The following COX20 variants were observed in gnomAD, a reference collection of about 807,000 sequenced individuals.
COX20 encodes cytochrome c oxidase assembly protein COX20, mitochondrial.
COX20 carries 14 observed loss-of-function variants against 14.3 expected under a neutral mutation model. The ratio of observed to expected loss-of-function variants is 0.98; its 90% CI spans 0.65 to 1.53. The LOEUF (loss-of-function observed/expected upper bound fraction) is 1.53. Ranked by LOEUF, COX20 falls within the 40% of genes most tolerant of loss-of-function variation. The probability of loss-of-function intolerance (pLI) is 0.00; values close to 1 mark genes in which losing one functional copy is unlikely to be tolerated. For synonymous variants in COX20, 56 were observed against 51.7 expected (o/e 1.08, Z -0.36); for missense variants, 149 against 142.1 (o/e 1.05, Z -0.25).
chr1:244,841,683 A>T (rs1680204622), intron 1 of COX20: 1 of 335,180 alleles, frequency 3.0e-6, no homozygotes, highest in African/African-American at 2.1e-5. Context: ...TCAGTTGATT[A>T]GCAAATTAAG....
upstream of COX20, chr1:244,835,430 GGTTT>G (rs1448513297): frequency 2.8e-6 from 1 of 356,984 alleles, no homozygotes; most frequent in African/African-American, 2.1e-5. Flanking sequence ...TCTAGGAGTC[GGTTT>G]GTTTTCCGAA....
chr1:244,837,336 C>T (rs1459587754), intron 1 of COX20, among the ~76,000 whole-genome samples: 1 of 152,112 alleles, frequency 6.6e-6, no homozygotes, highest in Non-Finnish European at 1.5e-5. Context: ...ATTAACAGCC[C>T]AAGGTGCTGT....
chr1:244,842,269 T>C lies in COX20; in HGVS notation c.221+11T>C. 3 of 1,574,650 alleles carry C rather than the reference T, an allele frequency of 1.9e-6. No individual in the cohort carries two copies. The highest frequency in any genetic ancestry group is 1.1e-5 in the South Asian group (1 of 90,314). ...GACTTTGGGATGCTGGTATGTTTGC[T>C]AAGTATTCAAGAACATCCATGATTA... On this transcript the variant is annotated intron_variant, in intron 3 of 3. Coordinates refer to ENST00000411948, the MANE Select transcript of COX20 (RefSeq NM_198076.6).
chr1:244,836,116 G>C (rs940359408), intron 1 of COX20, among the ~76,000 whole-genome samples: 4 of 152,194 alleles, frequency 2.6e-5, no homozygotes, highest in Non-Finnish European at 4.4e-5. Context: ...GTTGAGGACA[G>C]GTGCCTTGTC....
chr1:244,842,377 T>A, intron 3 of COX20, 119 bp downstream of exon 3: 1 of 745,398 alleles, frequency 1.3e-6, no homozygotes, highest in Non-Finnish European at 2.4e-6. Context: ...ATGAAGAATC[T>A]TGATTTTTCA....
Position 244,835,732 on chromosome 1 carries a change from G to T in COX20, c.18G>T (p.Glu6Asp), listed in dbSNP as rs768432039. 1 of 1,272,036 alleles carries T rather than the reference G, an allele frequency of 7.9e-7. No individual in the cohort carries two copies. The highest frequency in any genetic ancestry group is 9.9e-7 in the Non-Finnish European group (1 of 1,005,654). The allele number at this position is 1,272,036 out of a possible 1,614,324, so 78.8% of individuals were successfully genotyped here. Reference protein sequence around the residue: MAAPPEPGEPEERKSL... With the variant: MAAPPDPGEPEERKSL... ...TAGTCCTCATGGCCGCCCCGCCGGA[G>T]CCCGGTGAGCCCGAGGAGAGGAAGG... The change falls in exon 1 of 4, where the codon GAG (glutamate) becomes GAT (aspartate). Residue 6 changes from glutamate to aspartate, a missense_variant. Glu to Asp is a conservative substitution (Grantham distance 45, BLOSUM62 2). Coordinates refer to ENST00000411948, the MANE Select transcript of COX20 (RefSeq NM_198076.6).
In COX20 at chr1:244,835,773, CG is replaced by C; in HGVS notation, c.42+21del. 1 of 1,188,840 alleles carries C rather than the reference CG, an allele frequency of 8.4e-7. No individual in the cohort carries two copies. 73.6% of individuals were successfully genotyped at this position (1,188,840 alleles called of 1,614,324 possible). ...GAGAGGAAGGTAACCTGGGGGTCGG[CG>C]GGGCGCGCGCCGCGGGTGGGCGGTG... On this transcript the variant is annotated intron_variant, in intron 1 of 3. Transcript: ENST00000411948.
At chr1:244,842,633 GAT>G (rs1680253931) in intron 3 of COX20, 1 of 203,800 alleles carries the variant, frequency 4.9e-6, no homozygotes, top group Non-Finnish European at 9.5e-6. Context: ...CTAAGAGTAT[GAT>G]ATGTATGTAC....
chr1:244,836,557 C>G, intron 1 of COX20: 2 of 1,524,088 alleles, frequency 1.3e-6, no homozygotes, highest in Non-Finnish European at 1.8e-6. Context: ...TTCCTGGGCT[C>G]CTTATTAAGA....
Position 244,843,450 on chromosome 1 carries a change from A to T in COX20, c.*274A>T, listed in dbSNP as rs1222894674. On this transcript the variant is annotated 3_prime_UTR_variant, in exon 4 of 4. Coordinates refer to ENST00000411948, the MANE Select transcript of COX20 (RefSeq NM_198076.6). ...CAAAGAATTATAAAACATAGTGTTT[A>T]ATGTACTTGGAGTTTCCTTGTAGTA... 1.4e-5 allele frequency: 5 copies of T among 362,914 alleles called. No individual in the cohort carries two copies. The highest frequency in any genetic ancestry group is 1.1e-4 in the African/African-American group (5 of 45,406). 22.5% of individuals were successfully genotyped at this position (362,914 alleles called of 1,614,324 possible).
At chr1:244,838,647 G>A (rs1680075658) in intron 1 of COX20, among the ~76,000 whole-genome samples, 1 of 152,196 alleles carries the variant, frequency 6.6e-6, no homozygotes. Context: ...GTCAAGTGAA[G>A]TTCAGTGGAT....
At position 244,844,168 on chromosome 1, in the gene COX20, AAT is replaced by A. The variant is rs1680331287; in HGVS notation, c.*995_*996del. 1 of 152,190 alleles carries A rather than the reference AAT, an allele frequency of 6.6e-6. No individual in the cohort carries two copies. The highest frequency in any genetic ancestry group is 1.5e-5 in the Non-Finnish European group (1 of 68,020). The allele number at this position is 152,190 out of a possible 1,614,324, so 9.4% of individuals were successfully genotyped here. ...GGCACAGAAATCGAGCAAGGAAGAAAATATTAGTTATTTTGATCTACATCTTT... is the reference window on the plus strand; with the variant it reads ...GGCACAGAAATCGAGCAAGGAAGAAAATTAGTTATTTTGATCTACATCTTT... On this transcript the variant is annotated 3_prime_UTR_variant, in exon 4 of 4. Transcript: ENST00000411948.
At position 244,843,206 on chromosome 1, in the gene COX20, C is replaced by T. The variant is rs767462980; in HGVS notation, c.*30C>T. On this transcript the variant is annotated 3_prime_UTR_variant, in exon 4 of 4. Transcript: ENST00000411948. ...TCTTGAGCATAGAAGTCAATGTAAA[C>T]GAAGTTAAGATCAACCACATAAAAC... The T allele has an allele frequency of 6.5e-6, 10 of 1,531,764 alleles. No individual in the cohort carries two copies. The highest frequency in any genetic ancestry group is 2.4e-5 in the East Asian group (1 of 41,392). The allele number at this position is 1,531,764 out of a possible 1,614,324, so 94.9% of individuals were successfully genotyped here. A position where few individuals can be genotyped will look rare whatever the true frequency, so the allele number is the denominator to read the frequency against.
At chr1:244,836,936 C>G (rs1379585696) in intron 1 of COX20, among the ~76,000 whole-genome samples, 1 of 151,254 alleles carries the variant, frequency 6.6e-6, no homozygotes, top group Non-Finnish European at 1.5e-5. Flanking sequence ...GTCCCATACA[C>G]TGCCCATCTG....
chr1:244,838,426 C>T (rs777865820), intron 1 of COX20, among the ~76,000 whole-genome samples: 27 of 152,090 alleles, frequency 1.8e-4, no homozygotes, highest in Non-Finnish European at 3.5e-4. Flanking sequence ...TAGGAAGAGA[C>T]TAGATTCCAA....
In COX20 at chr1:244,843,364, C is replaced by T. The variant is rs1000062183; in HGVS notation, c.*188C>T. ...GTCTACTGCCAGGATAGCATTCTTACGTGTTACATATAGTGGACTTGTCAT... is the reference window on the plus strand; with the variant it reads ...GTCTACTGCCAGGATAGCATTCTTATGTGTTACATATAGTGGACTTGTCAT... On this transcript the variant is annotated 3_prime_UTR_variant, in exon 4 of 4. Transcript: ENST00000411948. 5 of 581,814 alleles carry T rather than the reference C, an allele frequency of 8.6e-6. No homozygotes were observed. Among genetic ancestry groups the T allele is most frequent in the East Asian group, 3.4e-5 (1 of 29,492 alleles). The allele number at this position is 581,814 out of a possible 1,614,324, so 36.0% of individuals were successfully genotyped here.
In COX20 at chr1:244,841,973, T is replaced by G; in HGVS notation, c.72T>G (p.Val24=). Residue 24 remains valine (V), a synonymous_variant, in exon 2 of 4, where the codon GTT becomes GTG. Transcript: ENST00000411948. ...KSLKLLGFLD[V]ENTPCARHSI... ...TTAAGCTCCTAGGATTTTTAGATGT[T>G]GAAAATACTCCCTGCGCCCGGCATT... is the stretch of plus-strand genomic sequence containing the variant. 5.6e-6 allele frequency: 9 copies of G among 1,607,040 alleles called. No homozygotes were observed. The highest frequency in any genetic ancestry group is 6.8e-6 in the Non-Finnish European group (8 of 1,174,904).
chr1:244,838,098 G>A (rs1680054939), intron 1 of COX20, among the ~76,000 whole-genome samples: 1 of 152,122 alleles, frequency 6.6e-6, no homozygotes, highest in Non-Finnish European at 1.5e-5. Flanking sequence ...TGAAGTTGGT[G>A]GGCAGTGGTC....
chr1:244,835,885 C>A, intron 1 of COX20, 129 bp downstream of exon 1: 1 of 661,832 alleles, frequency 1.5e-6, no homozygotes, highest in Admixed American at 4.3e-5. Flanking sequence ...ACTATTTTAA[C>A]TGTTCCTAGT....
Sources: allele counts gnomAD v4.1 joint callset (sites outside exome capture counted in the v4.1 genomes callset), GRCh38; gene constraint gnomAD v4.1.1; transcripts MANE v1.5; gene names NCBI Gene and HGNC (gene_info 2026-07-23, HGNC 2026-07-21).